LCLAT1: variants seen among roughly 807,000 people sequenced by gnomAD.
LCLAT1 encodes the protein lysocardiolipin acyltransferase 1.
A neutral mutation model predicts 30.7 loss-of-function variants in LCLAT1; 11 were observed. The observed-to-expected ratio is 0.36, with a 90% confidence interval of 0.23 to 0.59. LCLAT1 has a LOEUF of 0.59. LCLAT1 is among the 20% of genes least tolerant of loss of function. The pLI is 0.77. For missense variants in LCLAT1, 402 were observed against 458.6 expected (o/e 0.88, Z 1.13); for synonymous variants, 155 against 151.3 (o/e 1.02, Z -0.18).
Position 30,525,671 on chromosome 2 carries a change from C to G in LCLAT1, c.81C>G (p.Pro27=). Residue 27 remains proline (P), a synonymous_variant, in exon 2 of 6, where the codon CCC becomes CCG. Transcript: ENST00000379509. The part of the protein sequence containing the change: ...SFFGSIFMLS[P]FLPLMFVNPS... ...TTGGAAGCATTTTCATGCTGAGTCC[C>G]TTTTTACCTTTGATGTTTGTAAACC... 1.9e-6 allele frequency: 3 copies of G among 1,614,036 alleles called. No homozygotes were observed. Among genetic ancestry groups the G allele is most frequent in the Non-Finnish European group, 1.7e-6 (2 of 1,179,936 alleles).
At chr2:30,459,647 T>TA in intron 1 of LCLAT1, 1 of 1,614,122 alleles carries the variant, frequency 6.2e-7, no homozygotes. Flanking sequence ...GTGGTGCTTC[T>TA]GAACCCATGG....
intron 1 of LCLAT1, among the ~76,000 whole-genome samples, chr2:30,449,291 G>C (rs1243945002): frequency 6.6e-6 from 1 of 151,932 alleles, no homozygotes; most frequent in East Asian, 1.9e-4. Context: ...TTTTTCAAAG[G>C]CTCTAGCAAT....
chr2:30,569,568 A>C (rs948396592), intron 5 of LCLAT1, among the ~76,000 whole-genome samples: 1 of 151,386 alleles, frequency 6.6e-6, no homozygotes, highest in Admixed American at 6.6e-5. Flanking sequence ...ACTGTTGTGC[A>C]TAACATGAAA....
At position 30,525,017 on chromosome 2, in the gene LCLAT1, A is replaced by G. The variant is rs1685641135; in HGVS notation, c.-4-570A>G. ...AGTTTGTGTTAGATAACACCTTAGA[A>G]AAGAAAATATATGGTTTTATGTTAA... On this transcript the variant is annotated intron_variant, in intron 1 of 5. Transcript: ENST00000379509. Among the ~76,000 whole-genome samples the G allele has an allele frequency of 2.1e-5, 3 of 140,362 alleles. No individual in the cohort carries two copies. In the South Asian group the frequency reaches 7.3e-4, roughly 34 times the overall value. 92.1% of individuals were successfully genotyped at this position (140,362 alleles called of 152,430 possible).
At chr2:30,525,828 A>G (rs532130992) in intron 2 of LCLAT1, 73 bp downstream of exon 2, 155 of 1,312,514 alleles carry the variant, frequency 1.2e-4, no homozygotes, top group Non-Finnish European at 1.6e-4. Flanking sequence ...ACCTAAATCC[A>G]TGGATGTTCA....
intron 1 of LCLAT1, among the ~76,000 whole-genome samples, chr2:30,456,709 A>G (rs1303240079): frequency 6.6e-6 from 1 of 152,002 alleles, no homozygotes; most frequent in Non-Finnish European, 1.5e-5. Flanking sequence ...ATGAGGCAAA[A>G]AGAAAACCCA....
chr2:30,534,689 C>CT (rs1325865283), intron 3 of LCLAT1, among the ~76,000 whole-genome samples: 1 of 152,172 alleles, frequency 6.6e-6, no homozygotes, highest in Non-Finnish European at 1.5e-5. Context: ...TTAGAGAACA[C>CT]TTTCACTTGA....
chr2:30,453,741 G>A (rs1681680762), intron 1 of LCLAT1, among the ~76,000 whole-genome samples: 1 of 149,178 alleles, frequency 6.7e-6, no homozygotes, highest in South Asian at 2.1e-4. Context: ...TTGATGAAAA[G>A]TAAACATGAC....
intron 5 of LCLAT1, among the ~76,000 whole-genome samples, chr2:30,601,871 CTATCTATAGATATATA>C (rs984280470): frequency 6.9e-5 from 6 of 87,186 alleles, no homozygotes; most frequent in East Asian, 4.0e-4. Flanking sequence ...CTATAGATAT[CTATCTATAGATATATA>C]TATCTATAGA....
chr2:30,602,059 A>G (rs1667214286), intron 5 of LCLAT1, among the ~76,000 whole-genome samples: 1 of 151,996 alleles, frequency 6.6e-6, no homozygotes. Flanking sequence ...TAGGTAGGAG[A>G]CTTGGTTGTT....
chr2:30,606,218 T>G (rs1667442400), intron 5 of LCLAT1: 1 of 324,234 alleles, frequency 3.1e-6, no homozygotes, highest in African/African-American at 2.3e-5. Flanking sequence ...TTGACATTCT[T>G]CATAGAATTA....
At chr2:30,493,780 A>C (rs1683960476) in intron 1 of LCLAT1, among the ~76,000 whole-genome samples, 1 of 152,208 alleles carries the variant, frequency 6.6e-6, no homozygotes, top group African/African-American at 2.4e-5. Context: ...ATATGATACC[A>C]ATATAAAGAT....
intron 1 of LCLAT1, among the ~76,000 whole-genome samples, chr2:30,495,735 G>A (rs187328357): frequency 1.6e-4 from 25 of 152,210 alleles, no homozygotes; most frequent in East Asian, 1.5e-3. Context: ...AGGTGTGGTT[G>A]TTAGTAGAGT....
intron 5 of LCLAT1, among the ~76,000 whole-genome samples, chr2:30,621,956 G>A (rs552426036): frequency 2.6e-5 from 4 of 152,270 alleles, no homozygotes; most frequent in East Asian, 3.9e-4. Context: ...CAGAAGATGC[G>A]GCAGGCTGGG....
At chr2:30,586,186 A>AGTG (rs1666428258) in intron 5 of LCLAT1, among the ~76,000 whole-genome samples, 1 of 149,424 alleles carries the variant, frequency 6.7e-6, no homozygotes, top group Non-Finnish European at 1.5e-5. Context: ...GGAGCTTGCG[A>AGTG]AGCCGAGATC....
intron 1 of LCLAT1, among the ~76,000 whole-genome samples, chr2:30,514,401 A>G (rs1685085835): frequency 6.6e-6 from 1 of 152,222 alleles, no homozygotes; most frequent in South Asian, 2.1e-4. Context: ...AGAGTCATTA[A>G]TTACTACCTA....
intron 5 of LCLAT1, among the ~76,000 whole-genome samples, chr2:30,595,371 C>T (rs1452046890): frequency 6.6e-6 from 1 of 152,104 alleles, no homozygotes; most frequent in Non-Finnish European, 1.5e-5. Flanking sequence ...ATTCAGATCA[C>T]TAATGTCTTG....
chr2:30,536,747 C>G (rs1168271381), intron 3 of LCLAT1, among the ~76,000 whole-genome samples: 1 of 152,086 alleles, frequency 6.6e-6, no homozygotes, highest in East Asian at 1.9e-4. Flanking sequence ...AACGTTAACA[C>G]TACAGAAAAG....
intron 5 of LCLAT1, among the ~76,000 whole-genome samples, chr2:30,639,909 T>C (rs1448936153): frequency 6.6e-6 from 1 of 152,208 alleles, no homozygotes; most frequent in Non-Finnish European, 1.5e-5. Flanking sequence ...TATTTTGTGG[T>C]AATTAGCAAG....
Sources: gnomAD v4.1 joint callset for allele counts (sites outside exome capture counted in the v4.1 genomes callset) on GRCh38, gnomAD v4.1.1 for gene constraint, MANE v1.5 for transcripts, NCBI Gene and HGNC (gene_info 2026-07-23, HGNC 2026-07-21) for gene names.